CSMD2: variants seen among roughly 807,000 people sequenced by gnomAD.
The protein encoded by CSMD2 is CUB and sushi domain-containing protein 2.
CSMD2 carries 130 observed loss-of-function variants against 398.5 expected under a neutral mutation model. That is an observed-to-expected ratio of 0.33 (90% CI 0.28 to 0.38). CSMD2 has a LOEUF of 0.38. Ranked by LOEUF, CSMD2 falls within the 10% of genes least tolerant of loss-of-function variation. The pLI is 1.00. For missense variants in CSMD2, 3,829 were observed against 4,764.9 expected, an observed-to-expected ratio of 0.80 and a Z score of 5.78; for synonymous variants, 1,828 against 1,908.5, an observed-to-expected ratio of 0.96 and a Z score of 1.10.
At chr1:33,947,984 T>C (rs1644890623) in intron 3 of CSMD2, among the ~76,000 whole-genome samples, 2 of 152,212 alleles carry the variant, frequency 1.3e-5, no homozygotes, top group African/African-American at 4.8e-5. Context: ...AGCCTGACTT[T>C]GGCACCTTCT....
chr1:33,722,511 T>C (rs1646389754), intron 19 of CSMD2, among the ~76,000 whole-genome samples: 1 of 152,214 alleles, frequency 6.6e-6, no homozygotes, highest in Non-Finnish European at 1.5e-5. Context: ...ATTACACTTG[T>C]TTCATTATTA....
intron 12 of CSMD2, 31 bp downstream of exon 12, chr1:33,788,569 A>T: frequency 1.6e-6 from 2 of 1,217,486 alleles, no homozygotes; most frequent in Non-Finnish European, 2.4e-6. Flanking sequence ...CTCCCAGGAC[A>T]CAGTTCATCT....
Position 34,088,960 on chromosome 1 carries a change from G to A in CSMD2, c.404+17C>T. The stretch of plus-strand genomic sequence containing the variant: ...TAGCCCAGCTGTTTGCTACAGGGAA[G>A]GTGGGCAGCATGGTACCTCGTACGC... On this transcript the variant is annotated intron_variant, in intron 2 of 70. Coordinates refer to ENST00000373381, the MANE Select transcript of CSMD2 (RefSeq NM_001281956.2). The A allele has an allele frequency of 6.2e-7, 1 of 1,604,506 alleles. No individual in the cohort carries two copies. Among genetic ancestry groups the A allele is most frequent in the South Asian group, 1.1e-5 (1 of 90,824 alleles).
chr1:33,662,339 A>G (rs887212523), intron 26 of CSMD2, among the ~76,000 whole-genome samples: 10 of 152,156 alleles, frequency 6.6e-5, no homozygotes, highest in South Asian at 4.1e-4. Flanking sequence ...TGTACCTCCC[A>G]CATCCCTCCT....
intron 41 of CSMD2, among the ~76,000 whole-genome samples, chr1:33,607,218 G>C (rs2148824014): frequency 6.6e-6 from 1 of 152,352 alleles, no homozygotes; most frequent in Middle Eastern, 3.4e-3. Flanking sequence ...GGACCGGGAG[G>C]CCTGGCTAGG....
chr1:34,022,977 A>C (rs1465782), intron 3 of CSMD2, among the ~76,000 whole-genome samples: 2 of 151,858 alleles, frequency 1.3e-5, no homozygotes, highest in Non-Finnish European at 2.9e-5. Flanking sequence ...GGCTACGGGT[A>C]CATACCACCA....
At chr1:33,553,161 G>GT in intron 55 of CSMD2, among the ~76,000 whole-genome samples, 1 of 146,326 alleles carries the variant, frequency 6.8e-6, no homozygotes. Flanking sequence ...CTTTACAGAT[G>GT]TTGTTTTTTT....
rs992936280 is a variant in CSMD2 at position 33,700,633 on chromosome 1, A to T, written c.3617T>A (p.Val1206Asp). Reference protein sequence around the residue: ...GNNNSARLLGVFSHSEMMGVT... With the variant: ...GNNNSARLLGDFSHSEMMGVT... ...CCCCATCATCTCAGAATGGCTAAAAACTCCCAGCAAACGGGCGGAGTTGTT... is the reference window on the plus strand; with the variant it reads ...CCCCATCATCTCAGAATGGCTAAAATCTCCCAGCAAACGGGCGGAGTTGTT... The change falls in exon 23 of 71, where the codon GTT (valine) becomes GAT (aspartate). Residue 1206 changes from valine to aspartate, a missense_variant. Physicochemically the swap from Val to Asp is radical, Grantham distance 152. Coordinates refer to ENST00000373381, the MANE Select transcript of CSMD2 (RefSeq NM_001281956.2). 3.7e-6 allele frequency: 6 copies of T among 1,613,740 alleles called. No homozygotes were observed. In the African/African-American group the frequency reaches 4.0e-5, roughly 11 times the overall value.
intron 6 of CSMD2, among the ~76,000 whole-genome samples, chr1:33,840,862 C>T (rs527556566): frequency 2.0e-4 from 31 of 152,178 alleles, no homozygotes; most frequent in African/African-American, 7.2e-4. Flanking sequence ...ATCAGCAGGC[C>T]AAGAATAGGA....
Position 33,635,371 on chromosome 1 carries a change from G to T in CSMD2, c.4970-41C>A. 8.0e-7 allele frequency: 1 copy of T among 1,249,148 alleles called. No homozygotes were observed. Among genetic ancestry groups the T allele is most frequent in the Non-Finnish European group, 1.2e-6 (1 of 854,942 alleles). The allele number at this position is 1,249,148 out of a possible 1,614,324, so 77.4% of individuals were successfully genotyped here. ...GATAGAGAGTCAGGTGACCTTGTGG[G>T]CCTCTTACCAGTGACCATCCTCTGT... is the stretch of plus-strand genomic sequence containing the variant. On this transcript the variant is annotated intron_variant, in intron 30 of 70. Transcript: ENST00000373381. The surrounding 1 kb of genome is among the most constrained non-coding windows in gnomAD (Gnocchi z 5.0).
chr1:33,578,958 C>T (rs925004678), intron 48 of CSMD2, among the ~76,000 whole-genome samples: 5 of 152,230 alleles, frequency 3.3e-5, no homozygotes, highest in Non-Finnish European at 5.9e-5. Context: ...TTACCTCCCT[C>T]AGGAACAAGA....
intron 3 of CSMD2, among the ~76,000 whole-genome samples, chr1:33,975,198 G>C (rs1170613911): frequency 6.6e-6 from 1 of 152,120 alleles, no homozygotes; most frequent in Non-Finnish European, 1.5e-5. Flanking sequence ...GCTTCTGAGG[G>C]CATCCAGCCT....
intron 24 of CSMD2, among the ~76,000 whole-genome samples, chr1:33,697,980 G>C (rs1016375501): frequency 6.6e-6 from 1 of 152,222 alleles, no homozygotes; most frequent in Admixed American, 6.5e-5. Context: ...GAGGTTGTGG[G>C]ACATGGGGAA....
intron 5 of CSMD2, among the ~76,000 whole-genome samples, chr1:33,854,645 G>A (rs943242562): frequency 6.6e-6 from 1 of 152,224 alleles, no homozygotes; most frequent in African/African-American, 2.4e-5. Flanking sequence ...GCAACAGTGA[G>A]GTCTGCTAAT....
intron 48 of CSMD2, among the ~76,000 whole-genome samples, chr1:33,578,137 G>A (rs1638427475): frequency 6.6e-6 from 1 of 152,072 alleles, no homozygotes; most frequent in Non-Finnish European, 1.5e-5. Flanking sequence ...ACTGACCTGT[G>A]GCAACCTGGG....
At chr1:33,774,717 A>G (rs1651742276) in intron 12 of CSMD2, among the ~76,000 whole-genome samples, 1 of 152,182 alleles carries the variant, frequency 6.6e-6, no homozygotes. Flanking sequence ...GTTCCTGCCC[A>G]CAGCAGCTAG....
intron 4 of CSMD2, among the ~76,000 whole-genome samples, chr1:33,920,770 G>T (rs1183091329): frequency 6.6e-6 from 1 of 152,186 alleles, no homozygotes; most frequent in Non-Finnish European, 1.5e-5. Flanking sequence ...CAGCAGACCA[G>T]AGAGGGCAAG....
At chr1:33,720,023 C>A (rs1646304992) in intron 19 of CSMD2, among the ~76,000 whole-genome samples, 1 of 152,204 alleles carries the variant, frequency 6.6e-6, no homozygotes, top group African/African-American at 2.4e-5. Context: ...TGAACTATTT[C>A]AAATTTCACA....
chr1:33,995,581 C>T (rs1646700275), intron 3 of CSMD2, among the ~76,000 whole-genome samples: 1 of 152,104 alleles, frequency 6.6e-6, no homozygotes, highest in Non-Finnish European at 1.5e-5. Flanking sequence ...TCGATTCCTC[C>T]AAAGGTCTGA....
Sources: gnomAD v4.1 joint callset for allele counts (sites outside exome capture counted in the v4.1 genomes callset) on GRCh38, gnomAD v4.1.1 for gene constraint, Gnocchi (gnomAD v3.1) non-coding constraint, MANE v1.5 for transcripts, NCBI Gene and HGNC (gene_info 2026-07-23, HGNC 2026-07-21) for gene names.